Variants in ENO4 observed in about 807,000 individuals in gnomAD.
ENO4 encodes the protein 2-phospho-D-glycerate hydro-lyase.
A neutral mutation model predicts 63.2 loss-of-function variants in ENO4; 53 were observed. That is an observed-to-expected ratio of 0.84 (90% CI 0.67 to 1.05). ENO4 has a LOEUF of 1.05. Among genes scored for constraint, ENO4 ranks in the 50% least tolerant of loss-of-function variants. The pLI is 0.00. For synonymous variants in ENO4, 266 were observed against 283.8 expected (o/e 0.94, Z 0.63); for missense variants, 719 against 772.0 (o/e 0.93, Z 0.81).
At position 116,863,413 on chromosome 10, in the gene ENO4, C is replaced by T. The variant is rs182948364; in HGVS notation, c.990+561C>T. Among the ~76,000 whole-genome samples, 85 of 151,296 alleles carry T rather than the reference C, an allele frequency of 5.6e-4. 1 individual carries two copies. Among genetic ancestry groups the T allele is most frequent in the African/African-American group, 1.9e-3 (79 of 41,316 alleles). Reference sequence around the variant, plus strand: ...GCACACACCTTTTATTTTGGAATACCTCTCACCCAGTTTCCCCCAATGTTA... The same window carrying T: ...GCACACACCTTTTATTTTGGAATACTTCTCACCCAGTTTCCCCCAATGTTA... On this transcript the variant is annotated intron_variant, in intron 7 of 13. Coordinates refer to ENST00000341276, the MANE Select transcript of ENO4 (RefSeq NM_001242699.2).
At position 116,849,750 on chromosome 10, in the gene ENO4, C is replaced by T. The variant is rs897760837; in HGVS notation, c.165+19C>T. ...GCACCTGGTAGGGACCTGGGACAAG[C>T]GCTCTCCTCCCGCCAACCCCTCTCC... On this transcript the variant is annotated intron_variant, in intron 1 of 13. Coordinates refer to ENST00000341276, the MANE Select transcript of ENO4 (RefSeq NM_001242699.2). 3 of 1,489,056 alleles carry T rather than the reference C, an allele frequency of 2.0e-6. No individual in the cohort carries two copies. The highest frequency in any genetic ancestry group is 1.3e-5 in the South Asian group (1 of 74,662). 92.2% of individuals were successfully genotyped at this position (1,489,056 alleles called of 1,614,324 possible). A position where few individuals can be genotyped will look rare whatever the true frequency, so the allele number is the denominator to read the frequency against.
intron 7 of ENO4, among the ~76,000 whole-genome samples, chr10:116,867,758 G>C (rs977814866): frequency 1.3e-5 from 2 of 152,250 alleles, no homozygotes; most frequent in Admixed American, 6.5e-5. Context: ...CATACTTCCT[G>C]TCCTCAGGCA....
chr10:116,850,782 G>A (rs993602190), intron 1 of ENO4, among the ~76,000 whole-genome samples: 4 of 152,100 alleles, frequency 2.6e-5, no homozygotes, highest in Admixed American at 2.6e-4. Context: ...GTACCACTGC[G>A]ACGAGGTAAA....
At chr10:116,872,979 A>G (rs977615040) in intron 9 of ENO4, among the ~76,000 whole-genome samples, 4 of 152,178 alleles carry the variant, frequency 2.6e-5, no homozygotes, top group African/African-American at 9.7e-5. Context: ...ATACCATTAA[A>G]AAAAAAATTG....
At chr10:116,889,164 C>A (rs917699538) in intron 10 of ENO4, among the ~76,000 whole-genome samples, 3 of 152,176 alleles carry the variant, frequency 2.0e-5, no homozygotes, top group African/African-American at 7.2e-5. Flanking sequence ...AGGGGTGGTG[C>A]ACAGATCCTA....
rs554766994 is a variant in ENO4 at position 116,879,361 on chromosome 10, A to G, written c.1605+3A>G. On this transcript the variant is annotated splice_donor_region_variant and intron_variant, in intron 12 of 13. Transcript: ENST00000341276. ...CTGATGACAGCCTTGTCGATTTGGTAAGTGCTGAATGCTGGTCAACTGCCA... is the reference window on the plus strand; with the variant it reads ...CTGATGACAGCCTTGTCGATTTGGTGAGTGCTGAATGCTGGTCAACTGCCA... 5.1e-5 allele frequency: 79 copies of G among 1,548,340 alleles called. No individual in the cohort carries two copies. Among genetic ancestry groups the G allele is most frequent in the Non-Finnish European group, 6.7e-5 (77 of 1,145,036 alleles).
chr10:116,883,851 G>A, downstream of ENO4: 1 of 184,280 alleles, frequency 5.4e-6, no homozygotes, highest in Non-Finnish European at 1.2e-5. Flanking sequence ...CTGTGGGTGA[G>A]GACTTTGTTT....
At chr10:116,861,246 T>G in intron 6 of ENO4, 56 bp downstream of exon 6, 1 of 404,616 alleles carries the variant, frequency 2.5e-6, no homozygotes, top group Non-Finnish European at 3.8e-6. Flanking sequence ...AATATATATA[T>G]ATATATATAT....
downstream of ENO4, among the ~76,000 whole-genome samples, chr10:116,887,261 C>T (rs765052263): frequency 2.6e-5 from 4 of 152,188 alleles, no homozygotes; most frequent in African/African-American, 4.8e-5. Flanking sequence ...CTCCTTCTCT[C>T]GTCTCTTCTG....
Position 116,862,842 on chromosome 10 carries a change from T to A in ENO4, c.980T>A (p.Ile327Lys). ...GAAATGCAGAAACATATCAACAAAA[T>A]AATTGAAATGGTATGTAAAGAGATT... ...LMEMQKHINKIIEMPSPPKAE... is the reference protein window; with the variant it reads ...LMEMQKHINKKIEMPSPPKAE... Residue 327 changes from isoleucine (I) to lysine (K), a missense_variant, in exon 7 of 14, where the codon ATA (isoleucine) becomes AAA (lysine). Ile to Lys is a moderately radical substitution (Grantham distance 102). Coordinates refer to ENST00000341276, the MANE Select transcript of ENO4 (RefSeq NM_001242699.2). 3.2e-6 allele frequency: 5 copies of A among 1,546,888 alleles called. No individual in the cohort carries two copies. Among genetic ancestry groups the A allele is most frequent in the Non-Finnish European group, 4.4e-6 (5 of 1,143,730 alleles).
At chr10:116,865,715 G>GT (rs1846533616) in intron 7 of ENO4, among the ~76,000 whole-genome samples, 1 of 152,164 alleles carries the variant, frequency 6.6e-6, no homozygotes, top group African/African-American at 2.4e-5. Flanking sequence ...ACCGCATTTT[G>GT]TAAGCAGGGA....
intron 7 of ENO4, among the ~76,000 whole-genome samples, chr10:116,865,269 C>A (rs1055042002): frequency 6.6e-6 from 1 of 152,056 alleles, no homozygotes; most frequent in Middle Eastern, 3.2e-3. Flanking sequence ...CTCACTGCAA[C>A]CTCTGCTTTC....
chr10:116,856,467 T>C (rs1846260463), intron 2 of ENO4, 25 bp from the exon 3 acceptor site: 2 of 1,528,458 alleles, frequency 1.3e-6, no homozygotes, highest in Admixed American at 4.0e-5. Flanking sequence ...AGGGAAAGTG[T>C]TGAACACATT....
chr10:116,886,611 G>C (rs1192386858), downstream of ENO4: 3 of 1,606,618 alleles, frequency 1.9e-6, no homozygotes, highest in South Asian at 1.1e-5. Flanking sequence ...AGCAGAGAGA[G>C]AAAATAGTTG....
At chr10:116,875,580 CACACACAT>C (rs1846809550) in intron 10 of ENO4, among the ~76,000 whole-genome samples, 1 of 151,886 alleles carries the variant, frequency 6.6e-6, no homozygotes, top group African/African-American at 2.4e-5. Context: ...CACACACACA[CACACACAT>C]GCACATGTAT....
Position 116,881,559 on chromosome 10 carries a change from GA to G in ENO4, c.1772del (p.Lys591ArgfsTer24). ...HTFFYFNEEA[E>X]KAAEALEAAA... ...TTTTTTTTACTTTAATGAGGAAGCTGAAAAGGCTGCGGAGGCACTTGAGGCT... is the reference window on the plus strand; with the variant it reads ...TTTTTTTTACTTTAATGAGGAAGCTGAAAGGCTGCGGAGGCACTTGAGGCT... On this transcript the variant is annotated frameshift_variant, in exon 14 of 14. Coordinates refer to ENST00000341276, the MANE Select transcript of ENO4 (RefSeq NM_001242699.2). LOFTEE classifies it low-confidence loss of function (END_TRUNC). The G allele has an allele frequency of 6.5e-7, 1 of 1,548,644 alleles. No homozygotes were observed.
At chr10:116,898,969 GA>G (rs900766619) in intron 10 of ENO4, among the ~76,000 whole-genome samples, 3 of 151,910 alleles carry the variant, frequency 2.0e-5, no homozygotes, top group South Asian at 2.1e-4. Context: ...TTTATTGAAA[GA>G]AAAAAAACTT....
chr10:116,865,290 C>T (rs1002577761), intron 7 of ENO4, among the ~76,000 whole-genome samples: 8 of 152,074 alleles, frequency 5.3e-5, no homozygotes, highest in African/African-American at 1.4e-4. Context: ...CGGGTTCAAG[C>T]GATTCTCCTG....
chr10:116,893,637 T>C (rs1416225301), intron 10 of ENO4, among the ~76,000 whole-genome samples: 2 of 99,762 alleles, frequency 2.0e-5, no homozygotes, highest in Non-Finnish European at 4.3e-5. Context: ...GAGGAAATGG[T>C]GGGGGTGGGA....
Sources: allele counts gnomAD v4.1 joint callset (sites outside exome capture counted in the v4.1 genomes callset), GRCh38; gene constraint gnomAD v4.1.1; transcripts MANE v1.5; gene names NCBI Gene and HGNC (gene_info 2026-07-23, HGNC 2026-07-21).